Variants in GPHN observed in about 807,000 individuals in gnomAD.
GPHN encodes gephyrin.
In GPHN, 17 loss-of-function variants were observed where a neutral mutation model predicts 95.5. The observed-to-expected ratio is 0.18, with a 90% CI of 0.12 to 0.27. GPHN has a LOEUF of 0.27. Ranked by LOEUF, GPHN falls within the 10% of genes least tolerant of loss-of-function variation. GPHN has a pLI of 1.00. For missense variants in GPHN, 660 were observed against 978.1 expected, an observed-to-expected ratio of 0.67 and a Z score of 4.34; for synonymous variants, 320 against 322.5, an observed-to-expected ratio of 0.99 and a Z score of 0.08.
chr14:67,287,311 T>C, the GPHN span, among the ~76,000 whole-genome samples: 1 of 151,858 alleles, frequency 6.6e-6, no homozygotes, highest in Non-Finnish European at 1.5e-5. Context: ...CCTTAGTTTT[T>C]TTTTTCCATA....
intron 13 of GPHN, among the ~76,000 whole-genome samples, chr14:67,106,004 T>A (rs2078017738): frequency 6.6e-6 from 1 of 152,156 alleles, no homozygotes; most frequent in Non-Finnish European, 1.5e-5. Context: ...GTTTTATGCT[T>A]GTGTGTGTTT....
intron 2 of GPHN, 133 bp downstream of exon 2, chr14:66,681,318 A>C: frequency 1.5e-6 from 1 of 650,484 alleles, no homozygotes; most frequent in Admixed American, 2.4e-5. Context: ...CGTTTTACAC[A>C]TATTGAAGTC....
chr14:67,606,415 A>G, the GPHN span, among the ~76,000 whole-genome samples: 7,934 of 152,246 alleles, frequency 0.052, 595 homozygotes, highest in African/African-American at 0.17. Context: ...AGGTTTTTTA[A>G]TGTAATAAGC....
chr14:66,883,819 G>A (rs1028089048), intron 5 of GPHN, among the ~76,000 whole-genome samples: 1 of 152,046 alleles, frequency 6.6e-6, no homozygotes, highest in African/African-American at 2.4e-5. Context: ...CTAGGTTTAT[G>A]TTTTAAAATC....
chr14:66,606,395 C>T (rs1258374947), intron 1 of GPHN, among the ~76,000 whole-genome samples: 2 of 151,948 alleles, frequency 1.3e-5, no homozygotes, highest in East Asian at 3.9e-4. Context: ...GTTACTATAG[C>T]CTTATAGTAT....
At chr14:67,399,553 A>C in the GPHN span, among the ~76,000 whole-genome samples, 2 of 139,590 alleles carry the variant, frequency 1.4e-5, no homozygotes, top group Admixed American at 7.1e-5. Flanking sequence ...AGAGAAGGGT[A>C]GTTTAGGTGG....
chr14:66,599,949 TCA>T (rs1011616424), intron 1 of GPHN, among the ~76,000 whole-genome samples: 27 of 152,084 alleles, frequency 1.8e-4, no homozygotes, highest in African/African-American at 6.0e-4. Flanking sequence ...TTGAATTATG[TCA>T]CTTGAATTTT....
chr14:66,861,766 A>G (rs1037134967), intron 4 of GPHN, among the ~76,000 whole-genome samples: 2 of 152,112 alleles, frequency 1.3e-5, no homozygotes, highest in African/African-American at 2.4e-5. Context: ...TGAAGGAATT[A>G]AGGAAACTGA....
intron 9 of GPHN, among the ~76,000 whole-genome samples, chr14:67,016,759 CT>C (rs1312533701): frequency 6.6e-6 from 1 of 152,050 alleles, no homozygotes; most frequent in African/African-American, 2.4e-5. Flanking sequence ...TTTTCTGTAG[CT>C]TTAGTCTAGA....
intron 5 of GPHN, among the ~76,000 whole-genome samples, chr14:66,889,405 G>T (rs1054336421): frequency 5.9e-5 from 9 of 152,116 alleles, no homozygotes; most frequent in Non-Finnish European, 1.5e-5. Flanking sequence ...TTGCAAAATA[G>T]TATATTCTTC....
chr14:66,598,482 G>A (rs775334503), intron 1 of GPHN, among the ~76,000 whole-genome samples: 2 of 152,066 alleles, frequency 1.3e-5, no homozygotes, highest in Non-Finnish European at 1.5e-5. Context: ...CTTCAGATGT[G>A]TATTCTTAGC....
the GPHN span, among the ~76,000 whole-genome samples, chr14:67,244,171 G>A: frequency 1.3e-5 from 2 of 152,232 alleles, no homozygotes; most frequent in Non-Finnish European, 2.9e-5. Context: ...AGAATTTTCA[G>A]TTTTTTAATA....
At chr14:67,113,197 TG>T in intron 16 of GPHN, 26 bp downstream of exon 16, 1 of 1,590,060 alleles carries the variant, frequency 6.3e-7, no homozygotes, top group South Asian at 1.1e-5. Context: ...ATGGAGGGAG[TG>T]GGGAGAGGGC....
chr14:67,490,763 CCT>C, the GPHN span, among the ~76,000 whole-genome samples: 1 of 152,092 alleles, frequency 6.6e-6, no homozygotes, highest in Non-Finnish European at 1.5e-5. Flanking sequence ...GCAAATACTA[CCT>C]CTGTTTTTTT....
the GPHN span, among the ~76,000 whole-genome samples, chr14:67,523,792 T>C: frequency 6.6e-6 from 1 of 152,206 alleles, no homozygotes; most frequent in Non-Finnish European, 1.5e-5. Flanking sequence ...CTTAGGTCCC[T>C]CAGCAAAGAA....
the GPHN span, chr14:67,189,288 C>T: frequency 6.6e-6 from 1 of 152,214 alleles, no homozygotes; most frequent in South Asian, 2.1e-4. Flanking sequence ...GCTGACCACA[C>T]TTCCTCTCAG....
At chr14:66,570,155 G>A (rs1260752775) in intron 1 of GPHN, among the ~76,000 whole-genome samples, 2 of 151,904 alleles carry the variant, frequency 1.3e-5, no homozygotes, top group Admixed American at 1.3e-4. Flanking sequence ...GTCTTCCAAT[G>A]TATATGTATA....
chr14:67,648,904 G>C, the GPHN span: 2 of 152,184 alleles, frequency 1.3e-5, no homozygotes, highest in Admixed American at 1.3e-4. Flanking sequence ...GGTATAGATA[G>C]AGACCCCAGA....
chr14:67,603,996 G>GTTTTTTTT, the GPHN span, among the ~76,000 whole-genome samples: 2 of 150,142 alleles, frequency 1.3e-5, no homozygotes, highest in Non-Finnish European at 3.0e-5. Context: ...CTTGTTTTTT[G>GTTTTTTTT]TTTTTGTTTT....
Sources: allele counts gnomAD v4.1 joint callset (sites outside exome capture counted in the v4.1 genomes callset), GRCh38; gene constraint gnomAD v4.1.1; transcripts MANE v1.5; gene names NCBI Gene and HGNC (gene_info 2026-07-23, HGNC 2026-07-21).